Variants in GALNTL5 observed in about 807,000 individuals in gnomAD.
The protein encoded by GALNTL5 is polypeptide N-acetylgalactosaminyltransferase like 5, also known as inactive polypeptide N-acetylgalactosaminyltransferase-like protein 5.
Under a neutral mutation model 51.0 loss-of-function variants are expected in GALNTL5, and 44 were observed. That is an observed-to-expected ratio of 0.86 (90% CI 0.68 to 1.11). The LOEUF is 1.11. Among genes scored for constraint, GALNTL5 ranks in the 50% least tolerant of loss-of-function variants. The pLI is 0.00. For synonymous variants in GALNTL5, 192 were observed against 182.8 expected, an observed-to-expected ratio of 1.05 and a Z score of -0.41; for missense variants, 528 against 531.8, an observed-to-expected ratio of 0.99 and a Z score of 0.07.
At chr7:151,965,456 A>G (rs772233294) in intron 1 of GALNTL5, among the ~76,000 whole-genome samples, 4 of 152,236 alleles carry the variant, frequency 2.6e-5, no homozygotes, top group Admixed American at 6.5e-5. Context: ...TTTAAAATAA[A>G]TTACAATTTC....
chr7:152,016,887 A>T (rs1460666775), intron 8 of GALNTL5, among the ~76,000 whole-genome samples: 5 of 151,888 alleles, frequency 3.3e-5, no homozygotes, highest in Admixed American at 2.0e-4. Flanking sequence ...ATACAAAAAA[A>T]ATTAGCCGGG....
At chr7:151,979,059 G>C (rs2081242520) in intron 3 of GALNTL5, among the ~76,000 whole-genome samples, 1 of 150,156 alleles carries the variant, frequency 6.7e-6, no homozygotes, top group South Asian at 2.1e-4. Context: ...AAATTTATAT[G>C]ATCAGCTAAT....
intron 7 of GALNTL5, among the ~76,000 whole-genome samples, chr7:152,009,908 A>G (rs2081706914): frequency 6.6e-6 from 1 of 152,208 alleles, no homozygotes; most frequent in Non-Finnish European, 1.5e-5. Context: ...GTTTCAGTTT[A>G]GGACTATCTC....
chr7:151,958,080 T>C (rs1314618022), intron 1 of GALNTL5, among the ~76,000 whole-genome samples: 3 of 152,218 alleles, frequency 2.0e-5, no homozygotes, highest in Non-Finnish European at 4.4e-5. Flanking sequence ...AGAATCTTTC[T>C]AGAGAATAAT....
intron 1 of GALNTL5, among the ~76,000 whole-genome samples, chr7:151,965,720 AAAT>A (rs565370449): frequency 6.6e-6 from 1 of 152,048 alleles, no homozygotes; most frequent in African/African-American, 2.4e-5. Context: ...CTATACAAAA[AAAT>A]AATAATAATA....
At chr7:151,979,288 T>TC (rs1343355351) in intron 3 of GALNTL5, among the ~76,000 whole-genome samples, 82 of 148,888 alleles carry the variant, frequency 5.5e-4, no homozygotes, top group Non-Finnish European at 9.2e-4. Context: ...TTTTTTTTTT[T>TC]TTTTGTAAGT....
intron 1 of GALNTL5, among the ~76,000 whole-genome samples, chr7:151,959,690 A>G (rs1404092102): frequency 6.6e-6 from 1 of 152,160 alleles, no homozygotes; most frequent in East Asian, 1.9e-4. Flanking sequence ...CTCCTTTGGG[A>G]ACACTCTCCT....
chr7:151,988,858 G>A (rs1488136808), intron 5 of GALNTL5, among the ~76,000 whole-genome samples: 1 of 151,834 alleles, frequency 6.6e-6, no homozygotes, highest in Non-Finnish European at 1.5e-5. Context: ...CCGCCACCAT[G>A]CCGGCTAATT....
In GALNTL5 at chr7:152,017,866, AAC is replaced by A. The variant is rs1174665912; in HGVS notation, c.1177-1778_1177-1777del. 2.0e-5 allele frequency among the ~76,000 whole-genome samples: 3 copies of A among 151,824 alleles called. No homozygotes were observed. The East Asian group carries it at 5.8e-4, about 29-fold the overall frequency. On this transcript the variant is annotated intron_variant, in intron 8 of 8. Transcript: ENST00000392800. Reference sequence around the variant, plus strand: ...TTCTTTTTTTTTTTCTTTCTTTTGAAACAGAGTCTTGCTCTGTCACCCAGGCT... The same window carrying A: ...TTCTTTTTTTTTTTCTTTCTTTTGAAAGAGTCTTGCTCTGTCACCCAGGCT...
Position 152,014,630 on chromosome 7 carries a change from C to G in GALNTL5, c.1027-14C>G, listed in dbSNP as rs763643171. ...ATAATGCATTCGTATGTTTTTTGTTCTTCTTATGCCTAGATCTGGATGTGT... is the reference window on the plus strand; with the variant it reads ...ATAATGCATTCGTATGTTTTTTGTTGTTCTTATGCCTAGATCTGGATGTGT... On this transcript the variant is annotated splice_polypyrimidine_tract_variant and intron_variant, in intron 7 of 8. Transcript: ENST00000392800. The G allele has an allele frequency of 3.8e-6, 6 of 1,581,378 alleles. No homozygotes were observed. The South Asian group carries it at 7.1e-5, about 19-fold the overall frequency.
intron 5 of GALNTL5, among the ~76,000 whole-genome samples, chr7:151,999,547 C>T (rs1439200328): frequency 6.6e-6 from 1 of 152,130 alleles, no homozygotes; most frequent in African/African-American, 2.4e-5. Flanking sequence ...TCTCGTCATC[C>T]TAGTGGAAGT....
intron 1 of GALNTL5, among the ~76,000 whole-genome samples, chr7:151,958,160 G>A (rs1203791818): frequency 2.6e-5 from 4 of 152,084 alleles, no homozygotes; most frequent in Admixed American, 6.5e-5. Flanking sequence ...GACATTTCCC[G>A]GCTGGCAGCA....
chr7:152,014,334 G>A (rs1215782679), intron 7 of GALNTL5, among the ~76,000 whole-genome samples: 1 of 152,076 alleles, frequency 6.6e-6, no homozygotes, highest in Non-Finnish European at 1.5e-5. Flanking sequence ...GCAGTGGCAC[G>A]ACCTCGGCTC....
chr7:152,002,850 G>C lies in GALNTL5; in HGVS notation c.795G>C (p.Glu265Asp). ...ATGTCATTGATGATAGAACTCTGGA[G>C]TATAAGCCCTCTCCTCTTGTAAGGG... ...LIDVIDDRTLEYKPSPLVRGT... is the reference protein window; with the variant it reads ...LIDVIDDRTLDYKPSPLVRGT... Residue 265 changes from glutamate to aspartate, a missense_variant, in exon 6 of 9, where the codon GAG becomes GAC. Glu to Asp is a conservative substitution (Grantham distance 45). Coordinates refer to ENST00000392800, the MANE Select transcript of GALNTL5 (RefSeq NM_145292.4). The C allele has an allele frequency of 6.2e-7, 1 of 1,614,150 alleles. No individual in the cohort carries two copies. The highest frequency in any genetic ancestry group is 2.2e-5 in the East Asian group (1 of 44,890).
At chr7:151,964,653 G>A (rs1378544202) in intron 1 of GALNTL5, among the ~76,000 whole-genome samples, 1 of 152,106 alleles carries the variant, frequency 6.6e-6, no homozygotes, top group Non-Finnish European at 1.5e-5. Flanking sequence ...CCAGCCTCGG[G>A]TATCTTCATC....
intron 3 of GALNTL5, among the ~76,000 whole-genome samples, chr7:151,975,987 A>G (rs1303861306): frequency 1.3e-5 from 2 of 152,188 alleles, no homozygotes; most frequent in Non-Finnish European, 2.9e-5. Context: ...GTGGCCTAAT[A>G]TTTGATCAAT....
chr7:151,977,348 A>G (rs1221250896), intron 3 of GALNTL5, among the ~76,000 whole-genome samples: 2 of 152,206 alleles, frequency 1.3e-5, no homozygotes, highest in Admixed American at 1.3e-4. Flanking sequence ...ATTTGATTTT[A>G]ACCCTTCTAG....
Position 151,967,274 on chromosome 7 carries a change from T to C in GALNTL5, c.28T>C (p.Phe10Leu), listed in dbSNP as rs766017720. MRNAIIQGL[F>L]YGSLTFGIWT... Reference sequence around the variant, plus strand: ...GAGAAATGCCATAATTCAAGGTTTATTCTATGGGTCCTTGACATTTGGGAT... The same window carrying C: ...GAGAAATGCCATAATTCAAGGTTTACTCTATGGGTCCTTGACATTTGGGAT... Residue 10 changes from phenylalanine (F) to leucine (L), a missense_variant, in exon 2 of 9, where the codon TTC (phenylalanine) becomes CTC (leucine). Transcript: ENST00000392800. 1.2e-6 allele frequency: 2 copies of C among 1,613,578 alleles called. No homozygotes were observed. Among genetic ancestry groups the C allele is most frequent in the Non-Finnish European group, 1.7e-6 (2 of 1,179,608 alleles).
chr7:151,989,370 C>T (rs934827512), intron 5 of GALNTL5, among the ~76,000 whole-genome samples: 1 of 152,012 alleles, frequency 6.6e-6, no homozygotes. Context: ...CCAAACTGGT[C>T]TCTAACTCCT....
Sources: gnomAD v4.1 joint callset for allele counts (sites outside exome capture counted in the v4.1 genomes callset) on GRCh38, gnomAD v4.1.1 for gene constraint, MANE v1.5 for transcripts, NCBI Gene and HGNC (gene_info 2026-07-23, HGNC 2026-07-21) for gene names.